The following ROBO2 variants were observed in gnomAD, a reference collection of about 807,000 sequenced individuals.
ROBO2 encodes the protein roundabout guidance receptor 2.
A neutral mutation model predicts 160.8 loss-of-function variants in ROBO2; 53 were observed. The ratio of observed to expected loss-of-function variants is 0.33; its 90% CI spans 0.26 to 0.41. The LOEUF (loss-of-function observed/expected upper bound fraction) is 0.41. Among genes scored for constraint, ROBO2 ranks in the 10% least tolerant of loss-of-function variants. The pLI, the probability that ROBO2 is intolerant of heterozygous loss-of-function variation, is 1.00. For synonymous variants in ROBO2, 664 were observed against 611.7 expected (o/e 1.09, Z -1.26); for missense variants, 1,577 against 1,722.4 (o/e 0.92, Z 1.49).
intron 1 of ROBO2, among the ~76,000 whole-genome samples, chr3:77,085,211 G>T (rs1405669938): frequency 6.6e-6 from 1 of 151,992 alleles, no homozygotes; most frequent in Non-Finnish European, 1.5e-5. Context: ...GTTATGATTG[G>T]CCAAATAAAA....
rs543197838 is a variant in ROBO2 at position 77,134,139 on chromosome 3, G to A, written c.388+35799G>A. ...TGCAGTGAGCCGAGATCACACCATT[G>A]CACTCCAGCCTGGGCAACTAGAGTG... On this transcript the variant is annotated intron_variant, in intron 2 of 25. Coordinates refer to ENST00000461745, the Ensembl canonical transcript of ROBO2. 2.0e-5 allele frequency among the ~76,000 whole-genome samples: 3 copies of A among 152,010 alleles called. 1 individual carries two copies. Among genetic ancestry groups the A allele is most frequent in the South Asian group, 4.1e-4 (2 of 4,828 alleles).
At chr3:77,487,384 C>G (rs2085500247) in intron 4 of ROBO2, among the ~76,000 whole-genome samples, 1 of 152,044 alleles carries the variant, frequency 6.6e-6, no homozygotes. Context: ...GAAATTTTGC[C>G]TCTAATATGT....
At chr3:76,739,399 A>T (rs1035947370) in intron 2 of ROBO2, among the ~76,000 whole-genome samples, 1 of 148,258 alleles carries the variant, frequency 6.7e-6, no homozygotes, top group African/African-American at 2.5e-5. Context: ...CAAACACTGC[A>T]TGTTCTCACT....
intron 9 of ROBO2, 99 bp downstream of exon 10, chr3:77,558,248 A>G (rs1360496217): frequency 5.3e-6 from 5 of 939,694 alleles, no homozygotes; most frequent in Non-Finnish European, 8.6e-6. Context: ...ATCCTAGTAT[A>G]ATTGCTGCAC....
chr3:77,300,846 C>CTATT (rs3070173), intron 2 of ROBO2, among the ~76,000 whole-genome samples: 1,924 of 146,338 alleles, frequency 0.013, 27 homozygotes, highest in East Asian at 0.016. Context: ...AAATAATAGA[C>CTATT]TATTTATTTA....
chr3:77,501,145 C>T (rs549170374), intron 5 of ROBO2, among the ~76,000 whole-genome samples: 15 of 152,130 alleles, frequency 9.9e-5, no homozygotes, highest in African/African-American at 2.2e-4. Flanking sequence ...GCTGAGGTAG[C>T]GACTAGGGCA....
At chr3:76,865,079 C>T (rs540937615) in intron 2 of ROBO2, among the ~76,000 whole-genome samples, 18 of 151,964 alleles carry the variant, frequency 1.2e-4, no homozygotes, top group African/African-American at 3.6e-4. Flanking sequence ...TTTATTTTCC[C>T]TAGAGACATC....
chr3:76,936,169 T>C (rs2077687803), intron 2 of ROBO2, among the ~76,000 whole-genome samples: 1 of 151,848 alleles, frequency 6.6e-6, no homozygotes, highest in Non-Finnish European at 1.5e-5. Flanking sequence ...GTAGAAGCTA[T>C]AGACATGAAA....
rs533339132 is a variant in ROBO2 at position 76,550,606 on chromosome 3, G to A, written c.110-547408G>A. Among the ~76,000 whole-genome samples the A allele has an allele frequency of 7.9e-5, 12 of 152,280 alleles. No homozygotes were observed. In the South Asian group the frequency reaches 2.5e-3, roughly 32 times the overall value. On this transcript the variant is annotated intron_variant, in intron 2 of 26. Coordinates refer to the ROBO2 transcript ENST00000487694. ...TCCCAGGCACAGCTGCAACTGTCCA[G>A]CCACAGCTCCAGACCCAGGCATCCC...
rs146996987 is a variant in ROBO2, at chr3:77,261,762, G to T, written c.388+163422G>T. 2.0e-3 allele frequency among the ~76,000 whole-genome samples: 278 copies of T among 141,062 alleles called. 1 individual carries two copies. The highest frequency in any genetic ancestry group is 7.7e-3 in the African/African-American group (268 of 35,010). The allele number at this position is 141,062 out of a possible 152,430, so 92.5% of individuals were successfully genotyped here. A position where few individuals can be genotyped will look rare whatever the true frequency, so the allele number is the denominator to read the frequency against. On this transcript the variant is annotated intron_variant, in intron 2 of 25. Transcript: ENST00000461745. ...ATTGCTTTGTTGCCAAAGGATTTCT[G>T]ATTTCATTTTTTTTTTTTTTTTTGT...
chr3:77,607,194 G>A (rs952911403), intron 20 of ROBO2, among the ~76,000 whole-genome samples: 1 of 152,170 alleles, frequency 6.6e-6, no homozygotes, highest in Admixed American at 6.5e-5. Flanking sequence ...GCTTAAAATA[G>A]CTAAGAACTA....
intron 2 of ROBO2, among the ~76,000 whole-genome samples, chr3:77,194,475 T>C (rs750004318): frequency 3.3e-5 from 5 of 152,242 alleles, no homozygotes; most frequent in Non-Finnish European, 7.3e-5. Flanking sequence ...TGATTACATA[T>C]ACTAGATTTG....
intron 2 of ROBO2, among the ~76,000 whole-genome samples, chr3:76,235,350 C>T (rs1229452959): frequency 6.6e-6 from 1 of 152,162 alleles, no homozygotes; most frequent in Non-Finnish European, 1.5e-5. Flanking sequence ...TGAATTTCTA[C>T]AAGCCAAGAG....
At chr3:77,423,683 A>G (rs539069303) in intron 2 of ROBO2, among the ~76,000 whole-genome samples, 156 of 152,144 alleles carry the variant, frequency 1.0e-3, no homozygotes, top group Non-Finnish European at 2.0e-3. Flanking sequence ...GATATTCACA[A>G]GAAGACTTAA....
intron 2 of ROBO2, among the ~76,000 whole-genome samples, chr3:77,126,593 T>C (rs2075330589): frequency 6.6e-6 from 1 of 152,058 alleles, no homozygotes; most frequent in Non-Finnish European, 1.5e-5. Flanking sequence ...TATTCATTTG[T>C]ACGTTGTCCA....
chr3:76,502,459 C>T (rs2080513970), intron 2 of ROBO2, among the ~76,000 whole-genome samples: 1 of 152,226 alleles, frequency 6.6e-6, no homozygotes, highest in South Asian at 2.1e-4. Flanking sequence ...ACTTATTTAC[C>T]ATGAATAATA....
intron 24 of ROBO2, among the ~76,000 whole-genome samples, chr3:77,638,774 T>A (rs1167472594): frequency 7.9e-5 from 12 of 151,394 alleles, no homozygotes; most frequent in Non-Finnish European, 2.9e-5. Flanking sequence ...TCAACCTGTT[T>A]CTCCTAGATA....
chr3:76,356,515 A>G (rs758014053), intron 2 of ROBO2, among the ~76,000 whole-genome samples: 44 of 151,626 alleles, frequency 2.9e-4, no homozygotes, highest in Non-Finnish European at 5.0e-4. Flanking sequence ...TTGCAGGTAT[A>G]TGAATACTTC....
At chr3:76,771,449 T>C (rs540622670) in intron 2 of ROBO2, among the ~76,000 whole-genome samples, 2 of 151,430 alleles carry the variant, frequency 1.3e-5, no homozygotes, top group East Asian at 3.9e-4. Context: ...TCTTCCTATG[T>C]TTTAAATTCT....
Sources: gnomAD v4.1 joint callset for allele counts (sites outside exome capture counted in the v4.1 genomes callset) on GRCh38, gnomAD v4.1.1 for gene constraint, MANE v1.5 for transcripts, NCBI Gene and HGNC (gene_info 2026-07-23, HGNC 2026-07-21) for gene names.